RPTN: variants seen among roughly 807,000 people sequenced by gnomAD.
The protein encoded by RPTN is intermediate filament-associated protein.
In RPTN, 4 loss-of-function variants were observed where a neutral mutation model predicts 3.6. The ratio of observed to expected loss-of-function variants is 1.12; its 90% CI spans 0.55 to 2.55. The LOEUF (loss-of-function observed/expected upper bound fraction) is 2.55. Ranked by LOEUF, RPTN falls within the 30% of genes most tolerant of loss-of-function variation. The probability of loss-of-function intolerance (pLI) is 0.02; values close to 1 mark genes in which losing one functional copy is unlikely to be tolerated. For missense variants in RPTN, 860 were observed against 916.7 expected, an observed-to-expected ratio of 0.94 and a Z score of 0.80; for synonymous variants, 293 against 319.3, an observed-to-expected ratio of 0.92 and a Z score of 0.88.
At chr1:152,158,927 G>A (rs1659254634) in intron 1 of RPTN, among the ~76,000 whole-genome samples, 1 of 152,160 alleles carries the variant, frequency 6.6e-6, no homozygotes, top group African/African-American at 2.4e-5. Flanking sequence ...GGGAGACTAA[G>A]CTATTCATCA....
rs905642327 is a variant in RPTN at position 152,155,874 on chromosome 1, G to T, written c.1225C>A (p.Gln409Lys). The change falls in exon 3 of 3, where the codon CAA (glutamine) becomes AAA (lysine). Residue 409 changes from glutamine to lysine, a missense_variant. Coordinates refer to ENST00000316073, the MANE Select transcript of RPTN (RefSeq NM_001122965.1). ...QSSHYGQTER[Q>K]GQSSHYSQMD... is the part of the protein sequence containing the mutation. ...TGACTGTAGTGGGAACTCTGGCCTT[G>T]TCTCTCTGTCTGACCATAGTGAGAA... The T allele has an allele frequency of 3.7e-6, 6 of 1,611,900 alleles. No individual in the cohort carries two copies. Among genetic ancestry groups the T allele is most frequent in the Non-Finnish European group, 5.1e-6 (6 of 1,179,082 alleles).
Position 152,157,895 on chromosome 1 carries a change from C to T in RPTN, c.-6G>A, listed in dbSNP as rs780834123. ...CTATTCAGGAGTTGAGCCATTTTGA[C>T]AAGTACGGGTGAACCTAAAAGAAGA... On this transcript the variant is annotated 5_prime_UTR_variant, in exon 2 of 3. Transcript: ENST00000316073. 2 of 1,613,492 alleles carry T rather than the reference C, an allele frequency of 1.2e-6. No homozygotes were observed. The highest frequency in any genetic ancestry group is 3.3e-5 in the Admixed American group (2 of 59,966).
chr1:152,154,755 G>A lies in RPTN; in HGVS notation c.2344C>T (p.His782Tyr). 6.2e-7 allele frequency: 1 copy of A among 1,613,980 alleles called. No homozygotes were observed. The highest frequency in any genetic ancestry group is 8.5e-7 in the Non-Finnish European group (1 of 1,179,974). The change falls in exon 3 of 3, where the codon CAT becomes TAT. Residue 782 changes from histidine to tyrosine, a missense_variant. Transcript: ENST00000316073. ...DRQTHEDEQN[H>Y]QR ...TGAGTTTGCCTGTCTCATCTCTGAT[G>A]GTTCTGCTCGTCTTCATGGGTTTGC... is the stretch of plus-strand genomic sequence containing the variant.
At chr1:152,157,288 T>C (rs1362536288) in intron 2 of RPTN, among the ~76,000 whole-genome samples, 1 of 152,200 alleles carries the variant, frequency 6.6e-6, no homozygotes, top group Non-Finnish European at 1.5e-5. Context: ...TTCACTGCAC[T>C]GTGAGATCCT....
Position 152,156,564 on chromosome 1 carries a change from C to T in RPTN, c.535G>A (p.Asp179Asn), listed in dbSNP as rs1323739061. The T allele has an allele frequency of 1.9e-6, 3 of 1,613,386 alleles. No homozygotes were observed. Among genetic ancestry groups the T allele is most frequent in the Non-Finnish European group, 1.7e-6 (2 of 1,179,696 alleles). ...HHSQPERQDRDSHHNQSERQD... is the reference protein window; with the variant it reads ...HHSQPERQDRNSHHNQSERQD... ...CTCTCAGACTGATTGTGGTGAGAAT[C>T]TCTGTCTTGTCTCTCAGGCTGACTG... The change falls in exon 3 of 3, where the codon GAT (aspartate) becomes AAT (asparagine). Residue 179 changes from aspartate to asparagine, a missense_variant. By Grantham distance (23) the Asp-to-Asn change is conservative. Coordinates refer to ENST00000316073, the MANE Select transcript of RPTN (RefSeq NM_001122965.1).
chr1:152,157,037 C>CA, intron 2 of RPTN, 77 bp from the exon 3 acceptor site: 1 of 1,300,238 alleles, frequency 7.7e-7, no homozygotes, highest in East Asian at 2.3e-5. Context: ...GTTCATGCCC[C>CA]AATCCATTCG....
rs753645416 is a variant in RPTN at position 152,157,716 on chromosome 1, C to G, written c.138+36G>C. The G allele has an allele frequency of 1.9e-6, 3 of 1,612,360 alleles. No homozygotes were observed. The South Asian group carries it at 3.3e-5, about 18-fold the overall frequency. On this transcript the variant is annotated intron_variant, in intron 2 of 2. Coordinates refer to ENST00000316073, the MANE Select transcript of RPTN (RefSeq NM_001122965.1). ...GGTGCAGGTGTCAGAGTCATTCACA[C>G]TTGATCTCATGGGGCTGTGTGTCTG...
chr1:152,155,325 G>GT lies in RPTN; in HGVS notation c.1773dup (p.Gln592ThrfsTer5), dbSNP rs1353214942. ...CCTTGGAAGTACTTATTTTGCCCTT[G>GT]TATTTCCCCAGTCTGTGATTGAATA... On this transcript the variant is annotated frameshift_variant, in exon 3 of 3. Transcript: ENST00000316073. LOFTEE classifies it low-confidence loss of function (END_TRUNC). The GT allele has an allele frequency of 1.2e-6, 2 of 1,614,190 alleles. No homozygotes were observed. Among genetic ancestry groups the GT allele is most frequent in the South Asian group, 2.2e-5 (2 of 91,086 alleles).
chr1:152,155,175 G>T lies in RPTN; in HGVS notation c.1924C>A (p.Gln642Lys). 6.2e-7 allele frequency: 1 copy of T among 1,614,196 alleles called. No individual in the cohort carries two copies. The highest frequency in any genetic ancestry group is 1.1e-5 in the South Asian group (1 of 91,080). ...TCCCATACCTGGTGGCCGTTCTGCT[G>T]TGAGTCCCTAGACTGGAATCCCTGT... ...QGQGFQSRDS[Q>K]QNGHQVWEPE... is the part of the protein sequence containing the mutation. The change falls in exon 3 of 3, where the codon CAG (glutamine) becomes AAG (lysine). Residue 642 changes from glutamine to lysine, a missense_variant. By Grantham distance (53) the Gln-to-Lys change is moderately conservative. Coordinates refer to ENST00000316073, the MANE Select transcript of RPTN (RefSeq NM_001122965.1).
At chr1:152,157,585 G>GTA (rs1160162065) in intron 2 of RPTN, among the ~76,000 whole-genome samples, 167 bp downstream of exon 2, 5 of 151,764 alleles carry the variant, frequency 3.3e-5, no homozygotes, top group Non-Finnish European at 7.4e-5. Context: ...GTGTGTGTGT[G>GTA]TGTGTGTGTG....
At position 152,154,836 on chromosome 1, in the gene RPTN, G is replaced by C; in HGVS notation, c.2263C>G (p.Gln755Glu). 6.2e-7 allele frequency: 1 copy of C among 1,613,786 alleles called. No homozygotes were observed. Among genetic ancestry groups the C allele is most frequent in the South Asian group, 1.1e-5 (1 of 91,028 alleles). ...TCATGGGTTTGCCTGTCTCGTCTCT[G>C]ATGGCTCTGCTCATGTTCATGGGTT... is the stretch of plus-strand genomic sequence containing the variant. ...RQTHEHEQSH[Q>E]RRDRQTHEDK... Residue 755 changes from glutamine to glutamate, a missense_variant, in exon 3 of 3, where the codon CAG (glutamine) becomes GAG (glutamate). Gln to Glu is a conservative substitution (Grantham distance 29). Coordinates refer to ENST00000316073, the MANE Select transcript of RPTN (RefSeq NM_001122965.1).
In RPTN at chr1:152,156,638, C is replaced by G; in HGVS notation, c.461G>C (p.Arg154Thr). The change falls in exon 3 of 3, where the codon AGA (arginine) becomes ACA (threonine). Residue 154 changes from arginine to threonine, a missense_variant. Transcript: ENST00000316073. Reference protein sequence around the residue: ...SHHGQPERQDRDSHHGQSEKQ... With the variant: ...SHHGQPERQDTDSHHGQSEKQ... The stretch of plus-strand genomic sequence containing the variant: ...CTCAGACTGACCATGGTGGGAATCT[C>G]TGTCTTGTCTCTCAGGCTGACCATG... The G allele has an allele frequency of 6.3e-7, 1 of 1,590,912 alleles. No homozygotes were observed. The highest frequency in any genetic ancestry group is 8.6e-7 in the Non-Finnish European group (1 of 1,168,560).
At position 152,155,167 on chromosome 1, in the gene RPTN, G is replaced by A. The variant is rs200743554; in HGVS notation, c.1932C>T (p.Asn644=). Residue 644 remains asparagine, a synonymous_variant, in exon 3 of 3, where the codon AAC becomes AAT. Transcript: ENST00000316073. ...CTTCAGGCTCCCATACCTGGTGGCCGTTCTGCTGTGAGTCCCTAGACTGGA... is the reference window on the plus strand; with the variant it reads ...CTTCAGGCTCCCATACCTGGTGGCCATTCTGCTGTGAGTCCCTAGACTGGA... ...QGFQSRDSQQ[N]GHQVWEPEED... is the part of the protein sequence containing the mutation. 1.2e-4 allele frequency: 187 copies of A among 1,614,078 alleles called. 1 individual carries two copies. The highest frequency in any genetic ancestry group is 6.7e-4 in the South Asian group (61 of 91,092).
At position 152,155,255 on chromosome 1, in the gene RPTN, C is replaced by A; in HGVS notation, c.1844G>T (p.Arg615Ile). The change falls in exon 3 of 3, where the codon AGA becomes ATA. Residue 615 changes from arginine to isoleucine, a missense_variant. By Grantham distance (97) the Arg-to-Ile change is moderately conservative. Coordinates refer to ENST00000316073, the MANE Select transcript of RPTN (RefSeq NM_001122965.1). ...RKASYVEQSG[R>I]SGRLSQQTPG... ...AGTCTGTTGACTTAGCCTCCCTGAT[C>A]TTCCTGATTGTTCAACATAAGAGGC... 1.9e-6 allele frequency: 3 copies of A among 1,614,230 alleles called. No individual in the cohort carries two copies. Among genetic ancestry groups the A allele is most frequent in the Non-Finnish European group, 2.5e-6 (3 of 1,180,038 alleles).
At chr1:152,157,481 C>A (rs1484771034) in intron 2 of RPTN, among the ~76,000 whole-genome samples, 1 of 151,768 alleles carries the variant, frequency 6.6e-6, no homozygotes, top group Admixed American at 6.6e-5. Context: ...AAGTATGAAT[C>A]TTAGGTTTTC....
In RPTN at chr1:152,154,619, G is replaced by T; in HGVS notation, c.*125C>A. 7.5e-7 allele frequency: 1 copy of T among 1,338,836 alleles called. No individual in the cohort carries two copies. Among genetic ancestry groups the T allele is most frequent in the Non-Finnish European group, 1.0e-6 (1 of 968,776 alleles). The allele number at this position is 1,338,836 out of a possible 1,614,324, so 82.9% of individuals were successfully genotyped here. A position where few individuals can be genotyped will look rare whatever the true frequency, so the allele number is the denominator to read the frequency against. On this transcript the variant is annotated 3_prime_UTR_variant, in exon 3 of 3. Transcript: ENST00000316073. The stretch of plus-strand genomic sequence containing the variant: ...TTTCATGTGGAATTTTTCTCTGTTA[G>T]GACAGCTTCTGTGGGTCACTTGGGA...
At chr1:152,158,971 A>C (rs777517490) in intron 1 of RPTN, among the ~76,000 whole-genome samples, 2 of 152,194 alleles carry the variant, frequency 1.3e-5, no homozygotes, top group Non-Finnish European at 1.5e-5. Flanking sequence ...GATGCCTAGG[A>C]CACATTGAAG....
rs1376695441 is a variant in RPTN, at chr1:152,156,808, C to T, written c.291G>A (p.Arg97=). ...HKLDNKSHGG[R]TSQQERGQEG... The stretch of plus-strand genomic sequence containing the variant: ...CCTGCCCCCTTTCTTGCTGTGAGGT[C>T]CTGCCTCCATGTGACTTATTGTCTA... The change falls in exon 3 of 3, where the codon AGG becomes AGA. Residue 97 remains arginine (R), a synonymous_variant. Coordinates refer to ENST00000316073, the MANE Select transcript of RPTN (RefSeq NM_001122965.1). 6.2e-6 allele frequency: 10 copies of T among 1,614,042 alleles called. No homozygotes were observed. The highest frequency in any genetic ancestry group is 8.5e-6 in the Non-Finnish European group (10 of 1,180,028).
chr1:152,158,647 T>C (rs1033999846), intron 1 of RPTN, among the ~76,000 whole-genome samples: 7 of 152,214 alleles, frequency 4.6e-5, no homozygotes, highest in African/African-American at 1.2e-4. Flanking sequence ...ATTACATTTT[T>C]TTTCTTGTGG....
Sources: allele counts gnomAD v4.1 joint callset (sites outside exome capture counted in the v4.1 genomes callset), GRCh38; gene constraint gnomAD v4.1.1; transcripts MANE v1.5; gene names NCBI Gene and HGNC (gene_info 2026-07-23, HGNC 2026-07-21).